Variants in FBXO4 observed in about 807,000 individuals in gnomAD.
The protein encoded by FBXO4 is F-box only protein 4.
FBXO4 carries 36 observed loss-of-function variants against 43.7 expected under a neutral mutation model. The ratio of observed to expected loss-of-function variants is 0.82; its 90% CI spans 0.63 to 1.09. The LOEUF is 1.09. FBXO4 is among the 50% of genes least tolerant of loss of function. The pLI, the probability that FBXO4 is intolerant of heterozygous loss-of-function variation, is 0.00. For missense variants in FBXO4, 435 were observed against 474.1 expected (o/e 0.92, Z 0.77); for synonymous variants, 180 against 165.6 (o/e 1.09, Z -0.67).
the FBXO4 span, chr5:41,968,316 G>T: frequency 6.4e-6 from 1 of 156,594 alleles, no homozygotes; most frequent in South Asian, 1.7e-4. Flanking sequence ...AGCTCTGAGC[G>T]GGCTGGATCA....
At chr5:41,927,276 AG>A (rs761700233) in intron 2 of FBXO4, 28 bp downstream of exon 2, 1 of 1,497,608 alleles carries the variant, frequency 6.7e-7, no homozygotes, top group South Asian at 1.3e-5. Context: ...TGAATTAAAA[AG>A]AAGCTATTAA....
At chr5:41,928,236 T>C (rs1420695298) in intron 2 of FBXO4, among the ~76,000 whole-genome samples, 2 of 152,240 alleles carry the variant, frequency 1.3e-5, no homozygotes, top group African/African-American at 4.8e-5. Context: ...TATGAGGCTG[T>C]GGAATTAGAT....
Position 41,925,374 on chromosome 5 carries a change from G to T in FBXO4, c.65G>T (p.Arg22Leu), listed in dbSNP as rs553344441. The change falls in exon 1 of 7, where the codon CGC (arginine) becomes CTC (leucine). Residue 22 changes from arginine to leucine, a missense_variant. Transcript: ENST00000281623. ...CCGCCGCCCTTCAGCGACTGGGGCC[G>T]CCTGGAGGCGGCCATCCTCAGCGGC... The part of the protein sequence containing the change: ...SPPPPFSDWG[R>L]LEAAILSGWK... The T allele has an allele frequency of 7.9e-5, 109 of 1,376,766 alleles. No individual in the cohort carries two copies. The African/African-American group carries it at 1.5e-3, about 18-fold the overall frequency. The allele number at this position is 1,376,766 out of a possible 1,614,324, so 85.3% of individuals were successfully genotyped here.
the FBXO4 span, among the ~76,000 whole-genome samples, chr5:41,991,249 C>G: frequency 6.6e-6 from 1 of 152,226 alleles, no homozygotes; most frequent in Non-Finnish European, 1.5e-5. Context: ...ATGTCAACCA[C>G]AAACTATTTA....
chr5:41,926,356 G>A (rs1326273784), intron 1 of FBXO4, among the ~76,000 whole-genome samples: 1 of 152,288 alleles, frequency 6.6e-6, no homozygotes, highest in African/African-American at 2.4e-5. Flanking sequence ...GGCGGATCAC[G>A]AGGTCAGGAG....
intron 6 of FBXO4, 24 bp downstream of exon 6, chr5:41,939,640 A>G: frequency 6.5e-7 from 1 of 1,544,218 alleles, no homozygotes; most frequent in Non-Finnish European, 8.7e-7. Context: ...TACTCTAGTG[A>G]CAAAAATTTT....
chr5:41,944,008 T>G (rs1579990470), downstream of FBXO4, among the ~76,000 whole-genome samples: 1 of 152,206 alleles, frequency 6.6e-6, no homozygotes, highest in East Asian at 1.9e-4. Flanking sequence ...CCAAACCTGT[T>G]GACACTTTCA....
the FBXO4 span, chr5:41,968,072 C>T: frequency 2.8e-6 from 1 of 361,914 alleles, no homozygotes; most frequent in South Asian, 2.3e-5. Flanking sequence ...CTGACAACAG[C>T]TTCATTTAGT....
At chr5:42,016,942 TAGCCAAAAGTA>T in the FBXO4 span, among the ~76,000 whole-genome samples, 3 of 152,106 alleles carry the variant, frequency 2.0e-5, no homozygotes, top group African/African-American at 7.2e-5. Flanking sequence ...CTATTACTTG[TAGCCAAAAGTA>T]TTCTAACTGT....
the FBXO4 span, among the ~76,000 whole-genome samples, chr5:42,016,658 G>C: frequency 6.6e-6 from 1 of 151,874 alleles, no homozygotes; most frequent in Non-Finnish European, 1.5e-5. Flanking sequence ...TTTTAAGTGA[G>C]AAAAATTGAA....
chr5:41,981,665 G>A, the FBXO4 span, among the ~76,000 whole-genome samples: 1 of 150,110 alleles, frequency 6.7e-6, no homozygotes, highest in Non-Finnish European at 1.5e-5. Context: ...ATCCTCTCTT[G>A]GTTTAATAAT....
chr5:41,949,960 A>G, the FBXO4 span, among the ~76,000 whole-genome samples: 1 of 152,072 alleles, frequency 6.6e-6, no homozygotes, highest in South Asian at 2.1e-4. Context: ...AACAAGCAAT[A>G]GGGAAAGGAT....
chr5:41,953,980 C>A, the FBXO4 span, among the ~76,000 whole-genome samples: 1 of 152,134 alleles, frequency 6.6e-6, no homozygotes, highest in Non-Finnish European at 1.5e-5. Flanking sequence ...ATTCTGGATT[C>A]AAGGTTATTA....
the FBXO4 span, among the ~76,000 whole-genome samples, chr5:42,014,186 A>C: frequency 6.6e-6 from 1 of 152,132 alleles, no homozygotes; most frequent in Non-Finnish European, 1.5e-5. Context: ...CTTCGTACTC[A>C]GGGCTAGAAA....
the FBXO4 span, among the ~76,000 whole-genome samples, chr5:42,020,122 T>G: frequency 6.6e-6 from 1 of 152,132 alleles, no homozygotes. Context: ...TTGTTGATTC[T>G]CTCATCTCAG....
At chr5:41,955,123 G>A in the FBXO4 span, among the ~76,000 whole-genome samples, 4 of 152,152 alleles carry the variant, frequency 2.6e-5, no homozygotes, top group African/African-American at 4.8e-5. Flanking sequence ...AAATGGATAA[G>A]TACATGTGTA....
chr5:42,036,193 G>A, the FBXO4 span, among the ~76,000 whole-genome samples: 4 of 152,096 alleles, frequency 2.6e-5, no homozygotes, highest in African/African-American at 9.6e-5. Flanking sequence ...TGGGATGGGA[G>A]CCTAATCTGT....
At chr5:42,000,095 T>G in the FBXO4 span, among the ~76,000 whole-genome samples, 2 of 152,234 alleles carry the variant, frequency 1.3e-5, no homozygotes, top group African/African-American at 4.8e-5. Context: ...GTTTCTGGCT[T>G]ATTTCATTTA....
the FBXO4 span, among the ~76,000 whole-genome samples, chr5:42,013,683 C>A: frequency 6.6e-6 from 1 of 152,160 alleles, no homozygotes; most frequent in Non-Finnish European, 1.5e-5. Context: ...CGCTGCAGGG[C>A]AGAAATAGGT....
Sources: allele counts gnomAD v4.1 joint callset (sites outside exome capture counted in the v4.1 genomes callset), GRCh38; gene constraint gnomAD v4.1.1; transcripts MANE v1.5; gene names NCBI Gene and HGNC (gene_info 2026-07-23, HGNC 2026-07-21).